Variants in SPP1 observed in about 807,000 individuals in gnomAD.
The protein encoded by SPP1 is osteopontin.
SPP1 carries 18 observed loss-of-function variants against 20.8 expected under a neutral mutation model. The observed-to-expected ratio is 0.87, with a 90% CI of 0.60 to 1.29. The LOEUF is 1.29. SPP1 is among the 50% of genes most tolerant of loss of function. The probability of loss-of-function intolerance (pLI) is 0.00; values close to 1 mark genes in which losing one functional copy is unlikely to be tolerated. For synonymous variants in SPP1, 146 were observed against 141.5 expected, an observed-to-expected ratio of 1.03 and a Z score of -0.23; for missense variants, 363 against 389.0, an observed-to-expected ratio of 0.93 and a Z score of 0.56.
At chr4:87,977,296 A>T (rs533573499) in intron 3 of SPP1, among the ~76,000 whole-genome samples, 199 bp downstream of exon 3, 1 of 152,362 alleles carries the variant, frequency 6.6e-6, no homozygotes, top group South Asian at 2.1e-4. Flanking sequence ...TTATAAAACC[A>T]ACCCAGATAT....
rs1336307346 is a variant in SPP1, at chr4:87,980,114, C to T, written c.162C>T (p.Leu54=). The T allele has an allele frequency of 5.0e-6, 8 of 1,613,994 alleles. No homozygotes were observed. The highest frequency in any genetic ancestry group is 1.6e-4 in the Middle Eastern group (1 of 6,084). The change falls in exon 4 of 7, where the codon CTC becomes CTT. Residue 54 remains leucine (L), a synonymous_variant. Transcript: ENST00000395080. ...CTGACCCATCTCAGAAGCAGAATCTCCTAGCCCCACAGGTATTTTTAAACT... is the reference window on the plus strand; with the variant it reads ...CTGACCCATCTCAGAAGCAGAATCTTCTAGCCCCACAGGTATTTTTAAACT... ...LNPDPSQKQN[L]LAPQNAVSSE...
intron 3 of SPP1, chr4:87,977,738 G>A (rs1725439218): frequency 2.3e-6 from 3 of 1,284,120 alleles, no homozygotes; most frequent in South Asian, 2.5e-5. Flanking sequence ...GTCCCCAGAA[G>A]CTTGGACAAA....
At chr4:87,979,926 A>T (rs977358767) in intron 3 of SPP1, 120 bp from the exon 4 acceptor site, 14 of 910,772 alleles carry the variant, frequency 1.5e-5, no homozygotes, top group Admixed American at 8.1e-5. Context: ...AATTACAAAA[A>T]GGTACCTAAG....
chr4:87,982,832 A>G lies in SPP1; in HGVS notation c.881A>G (p.Glu294Gly), dbSNP rs369302207. 39 of 1,614,218 alleles carry G rather than the reference A, an allele frequency of 2.4e-5. No homozygotes were observed. The African/African-American group carries it at 5.1e-4, about 21-fold the overall frequency. ...MLVVDPKSKE[E>G]DKHLKFRISH... ...GTTGTAGACCCCAAAAGTAAGGAAGAAGATAAACACCTGAAATTTCGTATT... is the reference window on the plus strand; with the variant it reads ...GTTGTAGACCCCAAAAGTAAGGAAGGAGATAAACACCTGAAATTTCGTATT... The change falls in exon 7 of 7, where the codon GAA becomes GGA. Residue 294 changes from glutamate (E) to glycine (G), a missense_variant. Physicochemically the swap from Glu to Gly is moderately conservative, Grantham distance 98. Coordinates refer to ENST00000395080, the MANE Select transcript of SPP1 (RefSeq NM_001040058.2).
At position 87,980,098 on chromosome 4, in the gene SPP1, C is replaced by A; in HGVS notation, c.146C>A (p.Ser49Tyr). The change falls in exon 4 of 7, where the codon TCT (serine) becomes TAT (tyrosine). Residue 49 changes from serine (S) to tyrosine (Y), a missense_variant. Ser to Tyr is a moderately radical substitution (Grantham distance 144). Coordinates refer to ENST00000395080, the MANE Select transcript of SPP1 (RefSeq NM_001040058.2). ...AVATWLNPDP[S>Y]QKQNLLAPQN... ...GCCACATGGCTAAACCCTGACCCAT[C>A]TCAGAAGCAGAATCTCCTAGCCCCA... 6.2e-7 allele frequency: 1 copy of A among 1,614,144 alleles called. No individual in the cohort carries two copies. The highest frequency in any genetic ancestry group is 1.1e-5 in the South Asian group (1 of 91,080).
rs780721804 is a variant in SPP1, at chr4:87,981,565, A to C, written c.307A>C (p.Ile103Leu). The C allele has an allele frequency of 6.2e-7, 1 of 1,610,056 alleles. No individual in the cohort carries two copies. ...DDDHVDSQDS[I>L]DSNDSDDVDD... ...TGACCATGTGGACAGCCAGGACTCC[A>C]TTGACTCGAACGACTCTGATGATGT... The change falls in exon 6 of 7, where the codon ATT (isoleucine) becomes CTT (leucine). Residue 103 changes from isoleucine to leucine, a missense_variant. Coordinates refer to ENST00000395080, the MANE Select transcript of SPP1 (RefSeq NM_001040058.2).
intron 3 of SPP1, chr4:87,977,538 C>T (rs1287909034): frequency 2.3e-6 from 1 of 431,324 alleles, no homozygotes; most frequent in Non-Finnish European, 3.4e-6. Context: ...AGCTGAGAAG[C>T]CCATTGTGAA....
intron 3 of SPP1, among the ~76,000 whole-genome samples, chr4:87,978,600 T>C (rs1423204576): frequency 6.6e-6 from 1 of 152,064 alleles, no homozygotes; most frequent in Non-Finnish European, 1.5e-5. Context: ...GCCAGGATGG[T>C]CTCCATCTCC....
chr4:87,977,328 G>T (rs924922677), intron 3 of SPP1, among the ~76,000 whole-genome samples: 2 of 152,110 alleles, frequency 1.3e-5, no homozygotes, highest in Admixed American at 1.3e-4. Flanking sequence ...TAATATCTAG[G>T]CATGTATGAT....
chr4:87,982,567 C>A lies in SPP1; in HGVS notation c.616C>A (p.Pro206Thr). The A allele has an allele frequency of 1.9e-6, 3 of 1,614,128 alleles. No homozygotes were observed. Among genetic ancestry groups the A allele is most frequent in the East Asian group, 2.2e-5 (1 of 44,870 alleles). Reference sequence around the variant, plus strand: ...GTTGAATGGTGCATACAAGGCCATCCCCGTTGCCCAGGACCTGAACGCGCC... The same window carrying A: ...GTTGAATGGTGCATACAAGGCCATCACCGTTGCCCAGGACCTGAACGCGCC... ...EELNGAYKAI[P>T]VAQDLNAPSD... Residue 206 changes from proline (P) to threonine (T), a missense_variant, in exon 7 of 7, where the codon CCC (proline) becomes ACC (threonine). Physicochemically the swap from Pro to Thr is conservative, Grantham distance 38. Transcript: ENST00000395080.
In SPP1 at chr4:87,982,510, G is replaced by A. The variant is rs939251996; in HGVS notation, c.559G>A (p.Glu187Lys). Residue 187 changes from glutamate to lysine, a missense_variant, in exon 7 of 7, where the codon GAG (glutamate) becomes AAG (lysine). Glu to Lys is a moderately conservative substitution (Grantham distance 56). Coordinates refer to ENST00000395080, the MANE Select transcript of SPP1 (RefSeq NM_001040058.2). Reference sequence around the variant, plus strand: ...GATTCAGTACCCTGATGCTACAGACGAGGACATCACCTCACACATGGAAAG... The same window carrying A: ...GATTCAGTACCCTGATGCTACAGACAAGGACATCACCTCACACATGGAAAG... The part of the protein sequence containing the change: ...PDIQYPDATD[E>K]DITSHMESEE... The A allele has an allele frequency of 1.1e-5, 18 of 1,613,820 alleles. No individual in the cohort carries two copies. Among genetic ancestry groups the A allele is most frequent in the Middle Eastern group, 1.7e-4 (1 of 6,056 alleles).
chr4:87,977,759 G>A (rs1197450335), intron 3 of SPP1: 1 of 1,285,888 alleles, frequency 7.8e-7, no homozygotes. Context: ...AAGGCACACA[G>A]AGTTCAATTC....
chr4:87,977,139 C>T, intron 3 of SPP1, 42 bp downstream of exon 3: 1 of 1,584,352 alleles, frequency 6.3e-7, no homozygotes, highest in Non-Finnish European at 8.6e-7. Context: ...ATCATTTACT[C>T]AATTATGGCG....
At chr4:87,978,601 C>T (rs1384983690) in intron 3 of SPP1, among the ~76,000 whole-genome samples, 1 of 152,068 alleles carries the variant, frequency 6.6e-6, no homozygotes, top group African/African-American at 2.4e-5. Flanking sequence ...CCAGGATGGT[C>T]TCCATCTCCT....
At chr4:87,975,984 G>A (rs572786255) in intron 1 of SPP1, among the ~76,000 whole-genome samples, 184 bp downstream of exon 1, 80 of 152,236 alleles carry the variant, frequency 5.3e-4, no homozygotes, top group Admixed American at 9.2e-4. Flanking sequence ...TATTTTGAAT[G>A]CCAATCAAAT....
intron 3 of SPP1, chr4:87,977,545 T>C: frequency 1.9e-6 from 1 of 534,240 alleles, no homozygotes; most frequent in South Asian, 4.2e-5. Flanking sequence ...AAGCCCATTG[T>C]GAAAAGAAAG....
At position 87,982,898 on chromosome 4, in the gene SPP1, A is replaced by G; in HGVS notation, c.*2A>G. The G allele has an allele frequency of 6.3e-7, 1 of 1,580,572 alleles. No homozygotes were observed. Among genetic ancestry groups the G allele is most frequent in the Non-Finnish European group, 8.6e-7 (1 of 1,164,638 alleles). ...AGTGCATCTTCTGAGGTCAATTAAA[A>G]GGAGAAAAAATACAATTTCTCACTT... is the stretch of plus-strand genomic sequence containing the variant. On this transcript the variant is annotated 3_prime_UTR_variant, in exon 7 of 7. Coordinates refer to ENST00000395080, the MANE Select transcript of SPP1 (RefSeq NM_001040058.2).
At chr4:87,979,161 C>CTT (rs10596032) in intron 3 of SPP1, among the ~76,000 whole-genome samples, 46 of 107,232 alleles carry the variant, frequency 4.3e-4, no homozygotes, top group African/African-American at 6.0e-4. Context: ...TTTTTATCTT[C>CTT]TTTTTTTTTT....
At chr4:87,976,199 C>CT (rs1426131493) in intron 1 of SPP1, among the ~76,000 whole-genome samples, 18 of 152,146 alleles carry the variant, frequency 1.2e-4, no homozygotes, top group African/African-American at 4.3e-4. Flanking sequence ...ATGTATCTCA[C>CT]TTTTAAGGGG....
Sources: allele counts gnomAD v4.1 joint callset (sites outside exome capture counted in the v4.1 genomes callset), GRCh38; gene constraint gnomAD v4.1.1; transcripts MANE v1.5; gene names NCBI Gene and HGNC (gene_info 2026-07-23, HGNC 2026-07-21).